MEAK7: variants seen among roughly 807,000 people sequenced by gnomAD.
MEAK7 encodes the protein MTOR associated protein MEAK7, also known as MTOR-associated protein MEAK7.
In MEAK7, 68 loss-of-function variants were observed where a neutral mutation model predicts 40.5. The ratio of observed to expected loss-of-function variants is 1.68; its 90% confidence interval spans 1.38 to 2.06. The LOEUF is 2.06. Among genes scored for constraint, MEAK7 ranks in the 30% most tolerant of loss-of-function variants. MEAK7 has a pLI of 0.00. For missense variants in MEAK7, 918 were observed against 580.5 expected (o/e 1.58, Z -5.98); for synonymous variants, 338 against 231.9 (o/e 1.46, Z -4.16).
At chr16:84,497,819 T>C in intron 2 of MEAK7, 115 bp downstream of exon 2, 2 of 1,495,408 alleles carry the variant, frequency 1.3e-6, no homozygotes, top group South Asian at 1.2e-5. Context: ...AAACCAACTT[T>C]TCAGTGTTGC....
At chr16:84,498,702 C>T (rs959305472) in intron 1 of MEAK7, among the ~76,000 whole-genome samples, 18 of 152,058 alleles carry the variant, frequency 1.2e-4, no homozygotes, top group Admixed American at 1.2e-3. Flanking sequence ...GAACATAGTG[C>T]CCAAGCTAAT....
intron 3 of MEAK7, among the ~76,000 whole-genome samples, chr16:84,492,766 GA>G (rs1183666153): frequency 1.3e-5 from 2 of 152,032 alleles, no homozygotes; most frequent in Non-Finnish European, 2.9e-5. Flanking sequence ...ATTTTTGGTA[GA>G]GACAGGGTTT....
intron 2 of MEAK7, chr16:84,497,626 A>G (rs1293650399): frequency 7.3e-7 from 1 of 1,366,960 alleles, no homozygotes; most frequent in African/African-American, 1.5e-5. Flanking sequence ...TGAATCATTC[A>G]TTATCTACTC....
At chr16:84,482,835 G>A in intron 5 of MEAK7, 125 bp from the exon 6 acceptor site, 3 of 1,432,488 alleles carry the variant, frequency 2.1e-6, no homozygotes, top group Admixed American at 2.1e-5. Flanking sequence ...CCATGTCCAG[G>A]TGTCGGCAGA....
intron 1 of MEAK7, among the ~76,000 whole-genome samples, chr16:84,500,276 C>G (rs1231101280): frequency 6.6e-6 from 1 of 152,188 alleles, no homozygotes; most frequent in African/African-American, 2.4e-5. Context: ...CAATGAACAT[C>G]TGAGTACCTG....
At chr16:84,489,060 C>G (rs417632) in intron 4 of MEAK7, among the ~76,000 whole-genome samples, 77,810 of 152,024 alleles carry the variant, frequency 0.51, 20,745 homozygotes, top group East Asian at 0.89. Flanking sequence ...GGACAAGAGA[C>G]AAATTATTTA....
intron 1 of MEAK7, among the ~76,000 whole-genome samples, chr16:84,500,187 G>A (rs986901273): frequency 7.2e-5 from 11 of 152,110 alleles, no homozygotes; most frequent in African/African-American, 2.4e-4. Context: ...TTGTATGGAT[G>A]GACCACCTTT....
chr16:84,493,137 T>C (rs1913764886), intron 3 of MEAK7, among the ~76,000 whole-genome samples: 1 of 152,228 alleles, frequency 6.6e-6, no homozygotes, highest in South Asian at 2.1e-4. Flanking sequence ...ATTCCTGTGA[T>C]TCTGATGTGT....
chr16:84,501,773 G>C (rs1830850662), intron 1 of MEAK7, among the ~76,000 whole-genome samples: 1 of 152,184 alleles, frequency 6.6e-6, no homozygotes, highest in South Asian at 2.1e-4. Flanking sequence ...CTTAGTACCT[G>C]CAGAGTGCTG....
Position 84,482,680 on chromosome 16 carries a change from C to A in MEAK7, c.989G>T (p.Cys330Phe). The A allele has an allele frequency of 6.2e-7, 1 of 1,614,198 alleles. No homozygotes were observed. Among genetic ancestry groups the A allele is most frequent in the Non-Finnish European group, 8.5e-7 (1 of 1,180,032 alleles). ...GTGTGTGTACACAGCCATGCTGGGG[C>A]AGATGGAGAACAGGAAGCATCTGTT... ...GDNRCFLFSICPSMAVYTHTG... is the reference protein window; with the variant it reads ...GDNRCFLFSIFPSMAVYTHTG... The change falls in exon 6 of 8, where the codon TGC becomes TTC. Residue 330 changes from cysteine to phenylalanine, a missense_variant. Cys to Phe is a radical substitution (Grantham distance 205). Coordinates refer to ENST00000343629, the MANE Select transcript of MEAK7 (RefSeq NM_020947.4).
At position 84,479,838 on chromosome 16, in the gene MEAK7, G is replaced by C. The variant is rs1912354084; in HGVS notation, c.*75C>G. On this transcript the variant is annotated 3_prime_UTR_variant, in exon 8 of 8. Coordinates refer to ENST00000343629, the MANE Select transcript of MEAK7 (RefSeq NM_020947.4). ...CTATTACAGTTAAACCATGTGGGAG[G>C]GAAGAGGGGCTGCAGGCGTTGCCCT... 1 of 1,145,518 alleles carries C rather than the reference G, an allele frequency of 8.7e-7. No homozygotes were observed. Among genetic ancestry groups the C allele is most frequent in the Non-Finnish European group, 1.2e-6 (1 of 812,772 alleles). 71.0% of individuals were successfully genotyped at this position (1,145,518 alleles called of 1,614,324 possible). A position where few individuals can be genotyped will look rare whatever the true frequency, so the allele number is the denominator to read the frequency against.
intron 3 of MEAK7, among the ~76,000 whole-genome samples, chr16:84,490,705 G>A (rs1020219293): frequency 3.7e-5 from 3 of 81,622 alleles, no homozygotes; most frequent in Admixed American, 1.3e-4. Context: ...TATTTAAAGG[G>A]ACATAATGCC....
chr16:84,496,078 C>A (rs1015672357), intron 2 of MEAK7, among the ~76,000 whole-genome samples, 165 bp from the exon 3 acceptor site: 10 of 152,162 alleles, frequency 6.6e-5, no homozygotes, highest in Admixed American at 2.6e-4. Flanking sequence ...TCTCTTAGAG[C>A]CAGGCCGGAA....
intron 1 of MEAK7, 140 bp downstream of exon 1, chr16:84,504,461 C>A (rs1432720352): frequency 4.7e-6 from 2 of 424,108 alleles, no homozygotes; most frequent in African/African-American, 4.3e-5. Flanking sequence ...CCTCCCCCGA[C>A]CCGAGGGCCT....
At chr16:84,487,148 C>G (rs1470249260) in intron 4 of MEAK7, 89 bp from the exon 5 acceptor site, 3 of 1,298,642 alleles carry the variant, frequency 2.3e-6, no homozygotes, top group African/African-American at 3.0e-5. Context: ...GTGGGAGCCA[C>G]GAGTCACATG....
At chr16:84,489,252 G>T in intron 4 of MEAK7, 26 bp downstream of exon 4, 1 of 1,610,694 alleles carries the variant, frequency 6.2e-7, no homozygotes, top group East Asian at 2.2e-5. Flanking sequence ...CAAAAGACCT[G>T]CATCACCGCG....
intron 3 of MEAK7, among the ~76,000 whole-genome samples, chr16:84,492,148 G>A (rs367813941): frequency 1.3e-5 from 2 of 152,164 alleles, no homozygotes; most frequent in African/African-American, 2.4e-5. Flanking sequence ...GTATGAGATT[G>A]TAAGGGCCGA....
At chr16:84,493,877 G>A (rs1273379065) in intron 3 of MEAK7, among the ~76,000 whole-genome samples, 1 of 152,110 alleles carries the variant, frequency 6.6e-6, no homozygotes, top group East Asian at 1.9e-4. Flanking sequence ...GTCCTTTACA[G>A]GGTCCTGATC....
intron 2 of MEAK7, among the ~76,000 whole-genome samples, chr16:84,496,456 C>G (rs575873046): frequency 1.3e-5 from 2 of 152,150 alleles, no homozygotes; most frequent in South Asian, 4.1e-4. Context: ...CTCTTCCTTC[C>G]GCCTTCTCCT....
Sources: gnomAD v4.1 joint callset for allele counts (sites outside exome capture counted in the v4.1 genomes callset) on GRCh38, gnomAD v4.1.1 for gene constraint, MANE v1.5 for transcripts, NCBI Gene and HGNC (gene_info 2026-07-23, HGNC 2026-07-21) for gene names.